The following SCARA5 variants were observed in gnomAD, a reference collection of about 807,000 sequenced individuals.
SCARA5 encodes scavenger receptor class A member 5, also known as scavenger receptor class A, member 5 (putative).
A neutral mutation model predicts 46.3 loss-of-function variants in SCARA5; 45 were observed. The ratio of observed to expected loss-of-function variants is 0.97; its 90% confidence interval spans 0.76 to 1.24. The LOEUF (loss-of-function observed/expected upper bound fraction) is 1.24. SCARA5 is among the 50% of genes most tolerant of loss of function. The probability of loss-of-function intolerance (pLI) is 0.00; values close to 1 mark genes in which losing one functional copy is unlikely to be tolerated. For missense variants in SCARA5, 680 were observed against 689.0 expected, an observed-to-expected ratio of 0.99 and a Z score of 0.15; for synonymous variants, 333 against 306.5, an observed-to-expected ratio of 1.09 and a Z score of -0.90.
At chr8:27,909,493 T>A (rs940280282) in intron 5 of SCARA5, among the ~76,000 whole-genome samples, 170 bp downstream of exon 5, 8 of 152,066 alleles carry the variant, frequency 5.3e-5, no homozygotes, top group African/African-American at 1.7e-4. Flanking sequence ...ATGCGCTGCA[T>A]CCCACCGTGA....
At chr8:27,980,887 C>T (rs1377351095) in intron 2 of SCARA5, among the ~76,000 whole-genome samples, 3 of 152,154 alleles carry the variant, frequency 2.0e-5, no homozygotes, top group African/African-American at 7.2e-5. Context: ...TTGCTTTCTT[C>T]AGCAGAAGGC....
intron 6 of SCARA5, among the ~76,000 whole-genome samples, chr8:27,905,700 CTTTTCTT>C (rs1807248109): frequency 1.5e-5 from 1 of 66,708 alleles, no homozygotes; most frequent in Non-Finnish European, 2.8e-5. Context: ...ATTTTCTTTT[CTTTTCTT>C]TTTTTTTTTT....
intron 3 of SCARA5, among the ~76,000 whole-genome samples, chr8:27,938,003 C>G (rs1464012690): frequency 1.3e-5 from 2 of 152,134 alleles, no homozygotes; most frequent in African/African-American, 4.8e-5. Context: ...CAATTCAGTC[C>G]ATAACTAGCG....
chr8:27,987,190 G>A (rs201069452), intron 2 of SCARA5, among the ~76,000 whole-genome samples: 2 of 152,290 alleles, frequency 1.3e-5, no homozygotes, highest in East Asian at 1.9e-4. Context: ...TGCCTGACCC[G>A]AGTCTCACTC....
At chr8:27,906,675 A>G (rs926461154) in intron 6 of SCARA5, among the ~76,000 whole-genome samples, 8 of 152,236 alleles carry the variant, frequency 5.3e-5, no homozygotes, top group Admixed American at 5.2e-4. Flanking sequence ...TGTGAGATAT[A>G]GTATCATGAG....
intron 7 of SCARA5, among the ~76,000 whole-genome samples, chr8:27,889,287 T>A (rs940980432): frequency 1.3e-5 from 2 of 152,246 alleles, no homozygotes; most frequent in African/African-American, 4.8e-5. Flanking sequence ...GCAACAGATG[T>A]CCCATTACTT....
At chr8:27,955,840 G>A (rs1158160490) in intron 3 of SCARA5, among the ~76,000 whole-genome samples, 2 of 152,220 alleles carry the variant, frequency 1.3e-5, no homozygotes, top group African/African-American at 4.8e-5. Context: ...GACGACTGGA[G>A]GGGTGCAGGT....
At chr8:27,874,553 T>C (rs952518086) in intron 8 of SCARA5, among the ~76,000 whole-genome samples, 7 of 152,236 alleles carry the variant, frequency 4.6e-5, no homozygotes, top group Non-Finnish European at 7.3e-5. Context: ...CTACTCCAAC[T>C]GCAGAACTGA....
intron 7 of SCARA5, among the ~76,000 whole-genome samples, chr8:27,894,774 C>T (rs1403789386): frequency 6.6e-6 from 1 of 152,206 alleles, no homozygotes; most frequent in Non-Finnish European, 1.5e-5. Flanking sequence ...CTGCACTCCC[C>T]ATGGGAAGCT....
chr8:27,984,418 A>C (rs1004386731), intron 2 of SCARA5, among the ~76,000 whole-genome samples: 2 of 152,360 alleles, frequency 1.3e-5, no homozygotes, highest in South Asian at 4.1e-4. Flanking sequence ...AATCAGGTGT[A>C]GATGGTGAAT....
chr8:27,972,316 C>CA (rs1465891037), intron 2 of SCARA5, among the ~76,000 whole-genome samples: 3 of 146,656 alleles, frequency 2.0e-5, no homozygotes, highest in East Asian at 2.0e-4. Context: ...GACTCTGTCT[C>CA]AAAAAAACAA....
At chr8:27,927,222 C>A (rs76144781) in intron 3 of SCARA5, among the ~76,000 whole-genome samples, 13 of 152,280 alleles carry the variant, frequency 8.5e-5, no homozygotes, top group African/African-American at 3.1e-4. Context: ...GCCTGCTCAT[C>A]GGCTGCCTCC....
chr8:27,954,544 G>C (rs1808178261), intron 3 of SCARA5, among the ~76,000 whole-genome samples: 1 of 152,114 alleles, frequency 6.6e-6, no homozygotes, highest in Non-Finnish European at 1.5e-5. Context: ...AGTTACATTT[G>C]AAATGGCTGC....
intron 1 of SCARA5, among the ~76,000 whole-genome samples, chr8:27,990,319 C>T (rs559224086): frequency 1.3e-5 from 2 of 152,224 alleles, no homozygotes; most frequent in South Asian, 4.2e-4. Context: ...TACGCATGTT[C>T]TGTCTGCCCA....
chr8:27,915,398 T>C (rs890351676), intron 4 of SCARA5, among the ~76,000 whole-genome samples: 1 of 152,148 alleles, frequency 6.6e-6, no homozygotes, highest in African/African-American at 2.4e-5. Context: ...GAAGGAGATA[T>C]GAGAGCTTGG....
intron 2 of SCARA5, 120 bp from the exon 3 acceptor site, chr8:27,966,662 T>A: frequency 9.0e-7 from 1 of 1,107,816 alleles, no homozygotes. Context: ...ACTTCTCACA[T>A]CCCTTTTGCA....
At chr8:27,943,683 A>C (rs1369100525) in intron 3 of SCARA5, among the ~76,000 whole-genome samples, 1 of 152,226 alleles carries the variant, frequency 6.6e-6, no homozygotes, top group African/African-American at 2.4e-5. Context: ...TGACCAGCAC[A>C]CCACTGTCTG....
chr8:27,930,594 G>T (rs1218653304), intron 3 of SCARA5, among the ~76,000 whole-genome samples: 1 of 152,150 alleles, frequency 6.6e-6, no homozygotes, highest in East Asian at 1.9e-4. Context: ...TAGAGACAGG[G>T]TTTCTCCATG....
Position 27,930,603 on chromosome 8 carries a change from T to G in SCARA5, c.242-8358A>C, listed in dbSNP as rs1013939620. On this transcript the variant is annotated intron_variant, in intron 3 of 8. Transcript: ENST00000354914. ...TTTTAGTAGAGACAGGGTTTCTCCA[T>G]GTTGGTCAGGCTGGTCTCGAACTCC... Among the ~76,000 whole-genome samples the G allele has an allele frequency of 3.3e-5, 5 of 152,154 alleles. No homozygotes were observed. In the East Asian group the frequency reaches 9.6e-4, roughly 29 times the overall value.
Sources: gnomAD v4.1 joint callset for allele counts (sites outside exome capture counted in the v4.1 genomes callset) on GRCh38, gnomAD v4.1.1 for gene constraint, MANE v1.5 for transcripts, NCBI Gene and HGNC (gene_info 2026-07-23, HGNC 2026-07-21) for gene names.